Variants in PLEKHG1 observed in about 807,000 individuals in gnomAD.
The protein encoded by PLEKHG1 is pleckstrin homology domain-containing family G member 1.
Under a neutral mutation model 100.8 loss-of-function variants are expected in PLEKHG1, and 44 were observed. The observed-to-expected ratio is 0.44, with a 90% CI of 0.34 to 0.56. The LOEUF (loss-of-function observed/expected upper bound fraction) is 0.56, where lower values mean the gene tolerates loss of function less well. PLEKHG1 is among the 20% of genes least tolerant of loss of function. The pLI is 0.01. For missense variants in PLEKHG1, 1,545 were observed against 1,720.9 expected (o/e 0.90, Z 1.81); for synonymous variants, 640 against 662.5 (o/e 0.97, Z 0.52).
chr6:150,662,664 G>A (rs1284714996), intron 3 of PLEKHG1: 2 of 152,286 alleles, frequency 1.3e-5, no homozygotes, highest in South Asian at 2.1e-4. Context: ...CTCAGCCTCG[G>A]AAAGTGCTAG....
At chr6:150,748,848 A>T (rs1410591042) in intron 2 of PLEKHG1, among the ~76,000 whole-genome samples, 3 of 151,668 alleles carry the variant, frequency 2.0e-5, no homozygotes, top group East Asian at 1.9e-4. Flanking sequence ...CTGGTCTGGA[A>T]CTCCTGACCT....
intron 9 of PLEKHG1, 37 bp downstream of exon 10, chr6:150,809,513 T>C: frequency 6.4e-7 from 1 of 1,551,112 alleles, no homozygotes; most frequent in Non-Finnish European, 8.9e-7. Flanking sequence ...CAAGGCCCCT[T>C]TGTGTAATGA....
chr6:150,657,292 G>A (rs1005073909), intron 3 of PLEKHG1, among the ~76,000 whole-genome samples: 2 of 152,086 alleles, frequency 1.3e-5, no homozygotes, highest in African/African-American at 4.8e-5. Context: ...AAGGTACTGT[G>A]AAGGATATGA....
chr6:150,834,122 C>T (rs937791444), intron 15 of PLEKHG1, among the ~76,000 whole-genome samples: 4 of 152,126 alleles, frequency 2.6e-5, no homozygotes, highest in Non-Finnish European at 2.9e-5. Flanking sequence ...TGAAGGATTT[C>T]ACAGACTCTG....
At chr6:150,780,123 T>G (rs1187091698) in intron 3 of PLEKHG1, among the ~76,000 whole-genome samples, 2 of 146,442 alleles carry the variant, frequency 1.4e-5, no homozygotes, top group African/African-American at 5.1e-5. Context: ...TGGCTATTAT[T>G]TTCCTTTTCT....
intron 15 of PLEKHG1, among the ~76,000 whole-genome samples, chr6:150,839,242 G>A (rs1777385593): frequency 1.3e-5 from 2 of 152,166 alleles, no homozygotes; most frequent in Non-Finnish European, 2.9e-5. Context: ...AGCCTCCCAA[G>A]TAGCTGGGAC....
Position 150,704,215 on chromosome 6 carries a change from C to T in PLEKHG1, c.-98-29369C>T, listed in dbSNP as rs143957796. ...GAGGGCAGGGAATAGTCAGCATAAA[C>T]GCACTCTTCATTAACCTTGGGCTTC... On this transcript the variant is annotated intron_variant, in intron 3 of 3. Coordinates refer to the PLEKHG1 transcript ENST00000367326. Among the ~76,000 whole-genome samples, 8 of 152,256 alleles carry T rather than the reference C, an allele frequency of 5.3e-5. No homozygotes were observed. In the East Asian group the frequency reaches 1.2e-3, roughly 22 times the overall value.
At chr6:150,815,796 A>G (rs554076964) in intron 10 of PLEKHG1, among the ~76,000 whole-genome samples, 1 of 152,332 alleles carries the variant, frequency 6.6e-6, no homozygotes, top group East Asian at 1.9e-4. Context: ...TATTTTTAGC[A>G]TAGTGTTTTG....
At chr6:150,786,261 G>A (rs1785617350) in intron 3 of PLEKHG1, 129 bp from the exon 5 acceptor site, 3 of 665,830 alleles carry the variant, frequency 4.5e-6, no homozygotes, top group Non-Finnish European at 7.8e-6. Context: ...AATGACAGCA[G>A]ATCCTCAGTT....
Position 150,787,174 on chromosome 6 carries a change from A to G in PLEKHG1, c.582+715A>G, listed in dbSNP as rs900720117. ...CGTATAATATATGTGGCACTAGCCT[A>G]GTCTCTATAATTATCTTTCTTTTGA... On this transcript the variant is annotated intron_variant, in intron 4 of 15. Transcript: ENST00000358517. Among the ~76,000 whole-genome samples, 17 of 152,192 alleles carry G rather than the reference A, an allele frequency of 1.1e-4. No individual in the cohort carries two copies. The East Asian group carries it at 2.9e-3, about 26-fold the overall frequency.
At chr6:150,747,175 T>C (rs950576375) in intron 2 of PLEKHG1, among the ~76,000 whole-genome samples, 1 of 152,228 alleles carries the variant, frequency 6.6e-6, no homozygotes, top group Non-Finnish European at 1.5e-5. Flanking sequence ...TATTCAATTA[T>C]ACTGAGTGGG....
At chr6:150,621,115 G>T (rs1438782524) in intron 1 of PLEKHG1, among the ~76,000 whole-genome samples, 1 of 152,126 alleles carries the variant, frequency 6.6e-6, no homozygotes, top group Admixed American at 6.5e-5. Flanking sequence ...GTTGCAAAGA[G>T]TCATTAATAC....
At chr6:150,828,214 T>C in intron 14 of PLEKHG1, 1 of 1,613,902 alleles carries the variant, frequency 6.2e-7, no homozygotes. Flanking sequence ...CCTCTGAGTG[T>C]TTGGCGGCAT....
chr6:150,651,654 T>A (rs890122770), intron 3 of PLEKHG1, among the ~76,000 whole-genome samples: 30 of 151,314 alleles, frequency 2.0e-4, no homozygotes, highest in Non-Finnish European at 3.7e-4. Flanking sequence ...CGATGAGGAG[T>A]TCGAGACCAG....
At chr6:150,628,261 T>C (rs1036364361) in intron 1 of PLEKHG1, among the ~76,000 whole-genome samples, 2 of 152,152 alleles carry the variant, frequency 1.3e-5, no homozygotes, top group Admixed American at 1.3e-4. Context: ...ATGTTATATG[T>C]TTCTGGTTGT....
intron 10 of PLEKHG1, among the ~76,000 whole-genome samples, chr6:150,816,326 C>CT (rs1173343082): frequency 0.053 from 2,174 of 40,938 alleles, 702 homozygotes; most frequent in Middle Eastern, 0.071. Context: ...CTCAAACATA[C>CT]TTTTTTTTTT....
intron 3 of PLEKHG1, among the ~76,000 whole-genome samples, chr6:150,701,443 A>G (rs1380751040): frequency 1.3e-5 from 1 of 75,178 alleles, no homozygotes; most frequent in Non-Finnish European, 2.2e-5. Flanking sequence ...ATATATATAT[A>G]TATATATATA....
intron 1 of PLEKHG1, among the ~76,000 whole-genome samples, chr6:150,604,891 A>C (rs74903649): frequency 6.6e-6 from 1 of 152,312 alleles, no homozygotes; most frequent in East Asian, 1.9e-4. Context: ...ACCTCTGAGC[A>C]AGGCACCCAC....
At chr6:150,787,065 A>G (rs1160918876) in intron 4 of PLEKHG1, among the ~76,000 whole-genome samples, 1 of 151,270 alleles carries the variant, frequency 6.6e-6, no homozygotes, top group East Asian at 1.9e-4. Context: ...GATGAATGTT[A>G]GAAAAATATA....
Sources: gnomAD v4.1 joint callset for allele counts (sites outside exome capture counted in the v4.1 genomes callset) on GRCh38, gnomAD v4.1.1 for gene constraint, MANE v1.5 for transcripts, NCBI Gene and HGNC (gene_info 2026-07-23, HGNC 2026-07-21) for gene names.